The following TRAPPC9 variants were observed in gnomAD, a reference collection of about 807,000 sequenced individuals.
The protein encoded by TRAPPC9 is IKK2 binding protein.
A neutral mutation model predicts 124.0 loss-of-function variants in TRAPPC9; 83 were observed. That is an observed-to-expected ratio of 0.67 (90% CI 0.56 to 0.80). The LOEUF (loss-of-function observed/expected upper bound fraction) is 0.80. Among genes scored for constraint, TRAPPC9 ranks in the 30% least tolerant of loss-of-function variants. TRAPPC9 has a pLI of 0.00. For synonymous variants in TRAPPC9, 638 were observed against 617.5 expected (o/e 1.03, Z -0.49); for missense variants, 1,302 against 1,508.3 (o/e 0.86, Z 2.27).
chr8:140,406,542 T>G (rs561608113), intron 5 of TRAPPC9, among the ~76,000 whole-genome samples: 22 of 152,344 alleles, frequency 1.4e-4, no homozygotes, highest in African/African-American at 5.3e-4. Context: ...GCAGCTCACT[T>G]CTTACCCTTG....
intron 7 of TRAPPC9, among the ~76,000 whole-genome samples, chr8:140,371,664 C>A (rs1382850995): frequency 6.6e-6 from 1 of 152,166 alleles, no homozygotes; most frequent in Admixed American, 6.5e-5. Context: ...CCAACTGAAT[C>A]CTCCCAACAA....
intron 21 of TRAPPC9, among the ~76,000 whole-genome samples, chr8:139,833,568 T>C (rs1826125951): frequency 6.6e-6 from 1 of 152,250 alleles, no homozygotes. Context: ...GTCATTTCCT[T>C]ACTCGAAGCG....
At chr8:139,818,919 T>C (rs919814140) in intron 21 of TRAPPC9, among the ~76,000 whole-genome samples, 2 of 152,236 alleles carry the variant, frequency 1.3e-5, no homozygotes, top group Admixed American at 6.5e-5. Context: ...GACCTCTTAG[T>C]CCCTTGTACA....
chr8:140,282,361 G>A lies in TRAPPC9; in HGVS notation c.2114+1528C>T, dbSNP rs2065348246. On this transcript the variant is annotated intron_variant, in intron 14 of 22. Coordinates refer to ENST00000438773, the MANE Select transcript of TRAPPC9 (RefSeq NM_001160372.4). ...CTACTAAAAACACAAAAATTAGCTG[G>A]GCGTGGTGGCGGGTACCTATAATCC... Among the ~76,000 whole-genome samples the A allele has an allele frequency of 2.6e-5, 4 of 152,010 alleles. No individual in the cohort carries two copies. The South Asian group carries it at 8.3e-4, about 32-fold the overall frequency.
At chr8:139,829,722 G>T (rs921131746) in intron 21 of TRAPPC9, among the ~76,000 whole-genome samples, 4 of 152,238 alleles carry the variant, frequency 2.6e-5, no homozygotes, top group African/African-American at 9.6e-5. Flanking sequence ...GAAAAGAATG[G>T]ATCCTGAGAG....
At chr8:140,310,988 C>G (rs2066281375) in intron 10 of TRAPPC9, among the ~76,000 whole-genome samples, 1 of 151,986 alleles carries the variant, frequency 6.6e-6, no homozygotes, top group Non-Finnish European at 1.5e-5. Flanking sequence ...TCGAACAAAG[C>G]AAGGCTGGGT....
At chr8:140,435,004 TAC>T in intron 4 of TRAPPC9, 106 bp downstream of exon 4, 1 of 1,535,842 alleles carries the variant, frequency 6.5e-7, no homozygotes, top group Non-Finnish European at 8.8e-7. Context: ...CAACAGATTT[TAC>T]AGTTTATTTA....
intron 21 of TRAPPC9, among the ~76,000 whole-genome samples, chr8:139,746,544 G>T (rs930948931): frequency 2.6e-5 from 4 of 152,184 alleles, no homozygotes; most frequent in African/African-American, 7.2e-5. Context: ...CTCAGGGTAG[G>T]CAGGGACATA....
chr8:139,967,975 C>T (rs1012910836), intron 19 of TRAPPC9, among the ~76,000 whole-genome samples: 3 of 151,980 alleles, frequency 2.0e-5, no homozygotes, highest in African/African-American at 7.2e-5. Context: ...CCTGTCTCTA[C>T]TAAAAATACA....
rs1264852272 is a variant in TRAPPC9, at chr8:140,221,553, G to A, written c.2462C>T (p.Ser821Phe). 6.2e-7 allele frequency: 1 copy of A among 1,614,006 alleles called. No individual in the cohort carries two copies. Among genetic ancestry groups the A allele is most frequent in the African/African-American group, 1.3e-5 (1 of 74,920 alleles). Reference protein sequence around the residue: ...DGISVSGFPLSSPFRQVVRPR... With the variant: ...DGISVSGFPLFSPFRQVVRPR... ...CCGAACGACCTGCCGAAAAGGACTGGACAGGGGAAAGCCACTCACACTGAT... is the reference window on the plus strand; with the variant it reads ...CCGAACGACCTGCCGAAAAGGACTGAACAGGGGAAAGCCACTCACACTGAT... The change falls in exon 17 of 23, where the codon TCC becomes TTC. Residue 821 changes from serine (S) to phenylalanine (F), a missense_variant. By Grantham distance (155) the Ser-to-Phe change is radical. Around this residue, in one of 3 missense-constraint regions of TRAPPC9, gnomAD observed 640 missense variants for 679.3 expected, o/e 0.94. Coordinates refer to ENST00000438773, the MANE Select transcript of TRAPPC9 (RefSeq NM_001160372.4).
intron 17 of TRAPPC9, chr8:140,096,284 G>C (rs545857979): frequency 4.5e-4 from 69 of 152,360 alleles, no homozygotes; most frequent in African/African-American, 1.5e-3. Flanking sequence ...AGGTTATGGA[G>C]AGCCTTTCAG....
chr8:140,139,203 G>A (rs1274397716), intron 17 of TRAPPC9, among the ~76,000 whole-genome samples: 1 of 152,152 alleles, frequency 6.6e-6, no homozygotes, highest in African/African-American at 2.4e-5. Flanking sequence ...GTGGGTTCCT[G>A]CCACTCCTGT....
At chr8:140,337,024 C>G (rs1049423231) in intron 9 of TRAPPC9, among the ~76,000 whole-genome samples, 1 of 152,132 alleles carries the variant, frequency 6.6e-6, no homozygotes, top group Admixed American at 6.5e-5. Flanking sequence ...GGGTGCAGCC[C>G]CTTGTCAGTG....
intron 21 of TRAPPC9, 25 bp from the exon 22 acceptor site, chr8:139,732,227 G>A (rs1817884054): frequency 1.3e-6 from 2 of 1,549,616 alleles, no homozygotes; most frequent in African/African-American, 2.7e-5. Flanking sequence ...AGACTGTCGG[G>A]GGCTGGGCTG....
At chr8:140,132,415 T>G (rs905856803) in intron 17 of TRAPPC9, among the ~76,000 whole-genome samples, 1 of 152,208 alleles carries the variant, frequency 6.6e-6, no homozygotes, top group African/African-American at 2.4e-5. Flanking sequence ...TCTCTCATAT[T>G]ATTTTATTAT....
intron 19 of TRAPPC9, among the ~76,000 whole-genome samples, chr8:139,918,524 G>A (rs1333296036): frequency 6.6e-6 from 1 of 152,216 alleles, no homozygotes; most frequent in East Asian, 1.9e-4. Flanking sequence ...AAACCGGCCA[G>A]AGCGAGGGGC....
At chr8:140,253,796 T>C (rs1020267343) in intron 15 of TRAPPC9, among the ~76,000 whole-genome samples, 4 of 152,190 alleles carry the variant, frequency 2.6e-5, no homozygotes, top group African/African-American at 9.7e-5. Context: ...TAAAAAGTCT[T>C]GAATGTTAGA....
At chr8:140,080,920 C>A (rs1169841378) in intron 17 of TRAPPC9, among the ~76,000 whole-genome samples, 1 of 152,150 alleles carries the variant, frequency 6.6e-6, no homozygotes, top group African/African-American at 2.4e-5. Context: ...GGTTTCATGT[C>A]CACTCTCTCC....
At chr8:139,913,105 T>TG (rs1360946922) in intron 19 of TRAPPC9, among the ~76,000 whole-genome samples, 1 of 152,212 alleles carries the variant, frequency 6.6e-6, no homozygotes, top group Non-Finnish European at 1.5e-5. Context: ...CTGCGGCCAC[T>TG]GGAACTACAA....
Sources: gnomAD v4.1 joint callset for allele counts (sites outside exome capture counted in the v4.1 genomes callset) on GRCh38, gnomAD v4.1.1 for gene constraint, gnomAD v4.1.1 regional missense constraint, MANE v1.5 for transcripts, NCBI Gene and HGNC (gene_info 2026-07-23, HGNC 2026-07-21) for gene names.